NR2C2: variants seen among roughly 807,000 people sequenced by gnomAD.
The protein encoded by NR2C2 is nuclear receptor subfamily 2 group C member 2.
Under a neutral mutation model 62.9 loss-of-function variants are expected in NR2C2, and 6 were observed. The ratio of observed to expected loss-of-function variants is 0.10; its 90% confidence interval spans 0.05 to 0.19. NR2C2 has a LOEUF of 0.19. Ranked by LOEUF, NR2C2 falls within the 10% of genes least tolerant of loss-of-function variation. The pLI is 1.00. For synonymous variants in NR2C2, 272 were observed against 273.8 expected (o/e 0.99, Z 0.07); for missense variants, 479 against 762.7 (o/e 0.63, Z 4.38).
intron 1 of NR2C2, among the ~76,000 whole-genome samples, chr3:14,990,388 G>A (rs2040635869): frequency 6.6e-6 from 1 of 152,172 alleles, no homozygotes; most frequent in Non-Finnish European, 1.5e-5. Context: ...GAAGCAATTA[G>A]TCATATTATT....
chr3:15,007,346 C>G (rs772987942), intron 2 of NR2C2, among the ~76,000 whole-genome samples: 1 of 151,856 alleles, frequency 6.6e-6, no homozygotes, highest in Non-Finnish European at 1.5e-5. Flanking sequence ...ACAGGATGGT[C>G]TCGGTCTCCT....
At chr3:15,041,386 C>A (rs537673903) in intron 13 of NR2C2, among the ~76,000 whole-genome samples, 1 of 152,128 alleles carries the variant, frequency 6.6e-6, no homozygotes, top group Non-Finnish European at 1.5e-5. Flanking sequence ...CCTTCGTGTG[C>A]CCTGCAAGAT....
At chr3:15,008,549 G>A (rs1192645363) in intron 2 of NR2C2, among the ~76,000 whole-genome samples, 1 of 151,934 alleles carries the variant, frequency 6.6e-6, no homozygotes, top group African/African-American at 2.4e-5. Flanking sequence ...AAAACTTTGG[G>A]TACTCAAACA....
intron 10 of NR2C2, chr3:15,034,366 A>G: frequency 3.9e-6 from 1 of 258,396 alleles, no homozygotes; most frequent in South Asian, 6.4e-5. Flanking sequence ...CAGTCAGTCC[A>G]GGATGCTGAG....
chr3:14,992,404 TAAAGC>T (rs2040697142), intron 1 of NR2C2, among the ~76,000 whole-genome samples: 1 of 151,832 alleles, frequency 6.6e-6, no homozygotes, highest in East Asian at 1.9e-4. Flanking sequence ...AAGAGTAGAG[TAAAGC>T]AAAGCAAAGT....
chr3:15,012,846 G>A (rs765905807), intron 2 of NR2C2, among the ~76,000 whole-genome samples: 6 of 152,204 alleles, frequency 3.9e-5, no homozygotes, highest in Non-Finnish European at 7.3e-5. Context: ...ATTAGACAAG[G>A]ACTGTGTGAA....
rs1318123674 is a variant in NR2C2, at chr3:15,003,792, G to A, written c.-39-84G>A. 4 of 819,982 alleles carry A rather than the reference G, an allele frequency of 4.9e-6. No homozygotes were observed. The African/African-American group carries it at 6.8e-5, about 14-fold the overall frequency. The allele number at this position is 819,982 out of a possible 1,614,324, so 50.8% of individuals were successfully genotyped here. ...TACAAGTTCATCACTCCAGGCCACA[G>A]TGAAAGCAAGAGGCGTGGTCTTCAG... is the stretch of plus-strand genomic sequence containing the variant. On this transcript the variant is annotated intron_variant, in intron 1 of 13. Coordinates refer to ENST00000425241, the MANE Select transcript of NR2C2 (RefSeq NM_001291694.2).
intron 1 of NR2C2, among the ~76,000 whole-genome samples, chr3:14,963,825 T>TA (rs1388457397): frequency 6.6e-6 from 1 of 152,138 alleles, no homozygotes; most frequent in Non-Finnish European, 1.5e-5. Flanking sequence ...TAAGTATACA[T>TA]ATGCCAGTTT....
At chr3:14,949,679 C>T (rs1195363492) in intron 1 of NR2C2, among the ~76,000 whole-genome samples, 1 of 152,184 alleles carries the variant, frequency 6.6e-6, no homozygotes, top group African/African-American at 2.4e-5. Context: ...TTCCTGAGTG[C>T]TACGAATACT....
Position 14,972,685 on chromosome 3 carries a change from TGAA to T in NR2C2, c.-40+24782_-40+24784del, listed in dbSNP as rs376908579. 7.2e-5 allele frequency among the ~76,000 whole-genome samples: 11 copies of T among 152,228 alleles called. No homozygotes were observed. In the East Asian group the frequency reaches 1.9e-3, roughly 27 times the overall value. The stretch of plus-strand genomic sequence containing the variant: ...ATACCTGAGGCTGGGTAATTTATAA[TGAA>T]GAGAGGTTTAATTGGCTCACGGTTC... On this transcript the variant is annotated intron_variant, in intron 1 of 13. Coordinates refer to ENST00000425241, the MANE Select transcript of NR2C2 (RefSeq NM_001291694.2).
chr3:14,956,336 T>C (rs1000522925), intron 1 of NR2C2, among the ~76,000 whole-genome samples: 3 of 152,220 alleles, frequency 2.0e-5, no homozygotes, highest in African/African-American at 7.2e-5. Context: ...AACAGACTTC[T>C]AACAATCAGA....
rs559163544 is a variant in NR2C2, at chr3:14,996,804, C to T, written c.-39-7072C>T. On this transcript the variant is annotated intron_variant, in intron 1 of 13. Transcript: ENST00000425241. ...GTCTCAATCTCCTGACCTCGTGATC[C>T]GCCCGCCTCGGCCTCCCAAAATGCT... Among the ~76,000 whole-genome samples, 428 of 152,234 alleles carry T rather than the reference C, an allele frequency of 2.8e-3. 1 individual carries two copies. The highest frequency in any genetic ancestry group is 5.0e-3 in the Non-Finnish European group (337 of 68,024).
chr3:15,024,996 T>C (rs2125037086), intron 7 of NR2C2, among the ~76,000 whole-genome samples: 1 of 152,340 alleles, frequency 6.6e-6, no homozygotes, highest in South Asian at 2.1e-4. Context: ...TTTAGAGCCC[T>C]TGCCTGTCAT....
chr3:14,961,530 C>G (rs1055292620), intron 1 of NR2C2, among the ~76,000 whole-genome samples: 1 of 152,086 alleles, frequency 6.6e-6, no homozygotes, highest in Non-Finnish European at 1.5e-5. Context: ...TAGTGAATGT[C>G]CAGAAATTGG....
intron 8 of NR2C2, among the ~76,000 whole-genome samples, chr3:15,029,116 T>C (rs923556281): frequency 6.6e-5 from 10 of 151,608 alleles, no homozygotes; most frequent in African/African-American, 2.4e-4. Flanking sequence ...TTTCTTTTTT[T>C]TTTTTTTTAA....
intron 1 of NR2C2, among the ~76,000 whole-genome samples, chr3:14,953,242 A>G (rs958479472): frequency 6.6e-6 from 1 of 152,238 alleles, no homozygotes; most frequent in Non-Finnish European, 1.5e-5. Context: ...AAGTCCTTTA[A>G]TAGGAGGTGA....
chr3:15,020,582 G>T (rs930630027), intron 4 of NR2C2, among the ~76,000 whole-genome samples, 171 bp from the exon 5 acceptor site: 2 of 152,182 alleles, frequency 1.3e-5, no homozygotes, highest in South Asian at 2.1e-4. Context: ...GAGAAATTAC[G>T]TGAAGGGTGT....
chr3:14,969,147 TAAAA>T (rs902448481), intron 1 of NR2C2, among the ~76,000 whole-genome samples: 2 of 146,864 alleles, frequency 1.4e-5, no homozygotes, highest in African/African-American at 2.5e-5. Flanking sequence ...AATAATAAAT[TAAAA>T]AAAGAAAAAA....
intron 2 of NR2C2, among the ~76,000 whole-genome samples, chr3:15,006,217 T>C (rs2041168642): frequency 1.3e-5 from 2 of 152,044 alleles, no homozygotes; most frequent in Non-Finnish European, 2.9e-5. Flanking sequence ...AAAAATAAAA[T>C]AGTAATTCAG....
Sources: gnomAD v4.1 joint callset for allele counts (sites outside exome capture counted in the v4.1 genomes callset) on GRCh38, gnomAD v4.1.1 for gene constraint, MANE v1.5 for transcripts, NCBI Gene and HGNC (gene_info 2026-07-23, HGNC 2026-07-21) for gene names.